The following PHIP variants were observed in gnomAD, a reference collection of about 807,000 sequenced individuals.
The protein encoded by PHIP is PH-interacting protein.
In PHIP, 54 loss-of-function variants were observed where a neutral mutation model predicts 236.8. That is an observed-to-expected ratio of 0.23 (90% CI 0.18 to 0.29). The LOEUF is 0.29. Among genes scored for constraint, PHIP ranks in the 10% least tolerant of loss-of-function variants. PHIP has a pLI of 1.00. For synonymous variants in PHIP, 756 were observed against 718.9 expected, an observed-to-expected ratio of 1.05 and a Z score of -0.83; for missense variants, 1,370 against 2,190.8, an observed-to-expected ratio of 0.63 and a Z score of 7.48.
At position 78,988,360 on chromosome 6, in the gene PHIP, AT is replaced by A. The variant is rs1176395958; in HGVS notation, c.2320-12del. On this transcript the variant is annotated splice_polypyrimidine_tract_variant and intron_variant, in intron 20 of 39. Transcript: ENST00000275034. ...CTCATGAGCATGATTCTAGAAAAAA[AT>A]AAATTAAATTTATTCACAGATTGTT... is the stretch of plus-strand genomic sequence containing the variant. 6 of 1,557,756 alleles carry A rather than the reference AT, an allele frequency of 3.9e-6. No homozygotes were observed. Among genetic ancestry groups the A allele is most frequent in the African/African-American group, 2.8e-5 (2 of 72,028 alleles).
At position 78,955,616 on chromosome 6, in the gene PHIP, A is replaced by C; in HGVS notation, c.3849T>G (p.Ser1283=). The change falls in exon 33 of 40, where the codon TCT becomes TCG. Residue 1283 remains serine, a synonymous_variant. Coordinates refer to ENST00000275034, the MANE Select transcript of PHIP (RefSeq NM_017934.7). ...ATAATAATGAAATATTACATACCTC[A>C]GAATCAGACAAAACTTTCTTCTTCA... is the stretch of plus-strand genomic sequence containing the variant. ...NSMKKKVLSD[S]EDEEKDADVP... The C allele has an allele frequency of 2.1e-6, 2 of 960,518 alleles. No homozygotes were observed. The highest frequency in any genetic ancestry group is 3.3e-6 in the Non-Finnish European group (2 of 601,002). 59.5% of individuals were successfully genotyped at this position (960,518 alleles called of 1,614,324 possible). A position where few individuals can be genotyped will look rare whatever the true frequency, so the allele number is the denominator to read the frequency against.
intron 35 of PHIP, among the ~76,000 whole-genome samples, chr6:78,952,209 A>G (rs1216855014): frequency 6.6e-6 from 1 of 152,044 alleles, no homozygotes; most frequent in Non-Finnish European, 1.5e-5. Context: ...TCACAAGGTC[A>G]AGAGATTGAG....
chr6:79,011,254 T>A (rs955703291), intron 15 of PHIP, among the ~76,000 whole-genome samples: 5 of 152,018 alleles, frequency 3.3e-5, no homozygotes, highest in Non-Finnish European at 5.9e-5. Flanking sequence ...TTCCTCTGAA[T>A]ACTCAAGTTA....
intron 31 of PHIP, among the ~76,000 whole-genome samples, chr6:78,961,202 T>C (rs113179898): frequency 6.6e-6 from 1 of 152,048 alleles, no homozygotes; most frequent in African/African-American, 2.4e-5. Flanking sequence ...ACTACAACTA[T>C]GAAAAACTGA....
chr6:78,980,041 C>T (rs1015384417), intron 23 of PHIP, among the ~76,000 whole-genome samples: 3 of 151,844 alleles, frequency 2.0e-5, no homozygotes, highest in Admixed American at 6.6e-5. Flanking sequence ...GAGATGGGCT[C>T]GTTACAGAAT....
intron 31 of PHIP, among the ~76,000 whole-genome samples, chr6:78,959,214 G>A (rs1017289927): frequency 6.6e-6 from 1 of 151,938 alleles, no homozygotes; most frequent in African/African-American, 2.4e-5. Context: ...AAAAATCCAA[G>A]GACAACTTTT....
chr6:79,018,234 G>A (rs1008109255), intron 10 of PHIP, among the ~76,000 whole-genome samples: 1 of 151,894 alleles, frequency 6.6e-6, no homozygotes, highest in African/African-American at 2.4e-5. Context: ...TAAAAATTCA[G>A]AGTATTCTGG....
At chr6:79,068,713 T>G (rs992893727) in intron 4 of PHIP, among the ~76,000 whole-genome samples, 2 of 152,216 alleles carry the variant, frequency 1.3e-5, no homozygotes, top group Non-Finnish European at 2.9e-5. Context: ...ATATTACATA[T>G]TGACCCTTCG....
At chr6:79,066,144 C>A (rs1181240467) in intron 4 of PHIP, among the ~76,000 whole-genome samples, 1 of 151,988 alleles carries the variant, frequency 6.6e-6, no homozygotes, top group Non-Finnish European at 1.5e-5. Context: ...CCCTCAAGAT[C>A]CCCAATTTCT....
chr6:78,959,107 C>T (rs1766602267), intron 31 of PHIP, among the ~76,000 whole-genome samples: 1 of 151,988 alleles, frequency 6.6e-6, no homozygotes, highest in African/African-American at 2.4e-5. Context: ...GCTAGTTTAC[C>T]AAGAAACCTA....
Position 79,015,709 on chromosome 6 carries a change from T to C in PHIP, c.1310A>G (p.Asn437Ser). ...GTTATTAACTGCAGTTATAACTGTA[T>C]TGTCATGTCGATCCCAAGCTACCAT... ...VTMVAWDRHD[N>S]TVITAVNNMT... Residue 437 changes from asparagine (N) to serine (S), a missense_variant, in exon 14 of 40, where the codon AAT (asparagine) becomes AGT (serine). Asn to Ser is a conservative substitution (Grantham distance 46). This residue lies in a region of PHIP where 188 missense variants were observed against 354.3 expected (regional missense o/e 0.53). Transcript: ENST00000275034. The C allele has an allele frequency of 6.2e-7, 1 of 1,607,490 alleles. No homozygotes were observed.
rs117560017 is a variant in PHIP at position 78,959,842 on chromosome 6, T to C, written c.3657-1242A>G. On this transcript the variant is annotated intron_variant, in intron 31 of 39. Transcript: ENST00000275034. Reference sequence around the variant, plus strand: ...GTGTTACATCCTGATAAACCCACTGTAAATTCAAAATACCATTAAGTCAAA... The same window carrying C: ...GTGTTACATCCTGATAAACCCACTGCAAATTCAAAATACCATTAAGTCAAA... Among the ~76,000 whole-genome samples, 638 of 152,298 alleles carry C rather than the reference T, an allele frequency of 4.2e-3. 2 individuals are homozygous for C. Among genetic ancestry groups the C allele is most frequent in the Middle Eastern group, 0.01 (3 of 294 alleles).
chr6:79,011,283 G>C (rs1481985478), intron 15 of PHIP, among the ~76,000 whole-genome samples: 1 of 151,802 alleles, frequency 6.6e-6, no homozygotes, highest in Non-Finnish European at 1.5e-5. Context: ...CTGTTCAGTT[G>C]ATTCGTAAAG....
At chr6:78,973,653 C>T (rs1191615642) in intron 24 of PHIP, among the ~76,000 whole-genome samples, 2 of 146,540 alleles carry the variant, frequency 1.4e-5, no homozygotes, top group South Asian at 2.3e-4. Flanking sequence ...CAGAGACACA[C>T]ATAGGCTCAA....
chr6:78,967,692 A>G (rs1473337724), intron 27 of PHIP, among the ~76,000 whole-genome samples: 1 of 152,206 alleles, frequency 6.6e-6, no homozygotes, highest in East Asian at 1.9e-4. Context: ...TGAGAAAATT[A>G]TGATGCTCAT....
chr6:78,992,066 C>T (rs1452745212), intron 19 of PHIP, among the ~76,000 whole-genome samples: 2 of 151,200 alleles, frequency 1.3e-5, no homozygotes, highest in Non-Finnish European at 2.9e-5. Context: ...GGGTTCACAC[C>T]ATTCTCCTGC....
chr6:78,946,651 G>A (rs1773835013), intron 37 of PHIP, 60 bp downstream of exon 37: 3 of 1,473,512 alleles, frequency 2.0e-6, no homozygotes, highest in Non-Finnish European at 1.8e-6. Flanking sequence ...AAAACACCAA[G>A]TTCTATCATT....
intron 6 of PHIP, among the ~76,000 whole-genome samples, chr6:79,053,212 G>T (rs2127767166): frequency 6.6e-6 from 1 of 152,248 alleles, no homozygotes; most frequent in African/African-American, 2.4e-5. Context: ...TACTTGAGGG[G>T]CTGAGGCAGG....
At chr6:78,992,763 A>G (rs1769348875) in intron 19 of PHIP, among the ~76,000 whole-genome samples, 1 of 152,152 alleles carries the variant, frequency 6.6e-6, no homozygotes, top group Non-Finnish European at 1.5e-5. Flanking sequence ...CTAACTAGCC[A>G]TTGCCCCATC....
Sources: gnomAD v4.1 joint callset for allele counts (sites outside exome capture counted in the v4.1 genomes callset) on GRCh38, gnomAD v4.1.1 for gene constraint, gnomAD v4.1.1 regional missense constraint, MANE v1.5 for transcripts, NCBI Gene and HGNC (gene_info 2026-07-23, HGNC 2026-07-21) for gene names.